ILRUN: variants seen among roughly 807,000 people sequenced by gnomAD.
The protein encoded by ILRUN is inflammation and lipid regulator with UBA-like and NBR1-like domains.
A neutral mutation model predicts 33.8 loss-of-function variants in ILRUN; 3 were observed. The ratio of observed to expected loss-of-function variants is 0.09; its 90% CI spans 0.04 to 0.23. The LOEUF is 0.23. Ranked by LOEUF, ILRUN falls within the 10% of genes least tolerant of loss-of-function variation. The pLI, the probability that ILRUN is intolerant of heterozygous loss-of-function variation, is 1.00. For missense variants in ILRUN, 210 were observed against 375.1 expected, an observed-to-expected ratio of 0.56 and a Z score of 3.64; for synonymous variants, 124 against 138.9, an observed-to-expected ratio of 0.89 and a Z score of 0.75.
intron 3 of ILRUN, among the ~76,000 whole-genome samples, chr6:34,610,792 G>A (rs896690372): frequency 1.3e-5 from 2 of 152,188 alleles, no homozygotes; most frequent in Admixed American, 6.5e-5. Context: ...CAGCTACTAA[G>A]CTACAGGTCA....
At chr6:34,653,760 C>T (rs1361264654) in intron 2 of ILRUN, among the ~76,000 whole-genome samples, 1 of 151,826 alleles carries the variant, frequency 6.6e-6, no homozygotes. Flanking sequence ...ATAGCTTGAG[C>T]CCAAGAGTTC....
chr6:34,648,361 G>C (rs1762599392), intron 2 of ILRUN, among the ~76,000 whole-genome samples: 1 of 152,112 alleles, frequency 6.6e-6, no homozygotes, highest in Admixed American at 6.5e-5. Flanking sequence ...CTCACTACTG[G>C]AAAGAAACCA....
intron 1 of ILRUN, among the ~76,000 whole-genome samples, chr6:34,676,385 C>G (rs1336606412): frequency 7.0e-6 from 1 of 143,256 alleles, no homozygotes. Context: ...GGCAACAGAG[C>G]AAGACCCTTT....
At chr6:34,595,705 C>T (rs1761386542) in intron 4 of ILRUN, 1 of 957,156 alleles carries the variant, frequency 1.0e-6, no homozygotes, top group South Asian at 4.8e-5. Flanking sequence ...CAACACAGGA[C>T]TTTCACATAC....
intron 4 of ILRUN, among the ~76,000 whole-genome samples, chr6:34,603,582 T>G (rs752591750): frequency 2.0e-5 from 3 of 152,040 alleles, no homozygotes; most frequent in South Asian, 4.2e-4. Context: ...TGCAGTGAGC[T>G]GTGATTGTGC....
chr6:34,696,682 G>A lies in ILRUN; in HGVS notation c.-79C>T, dbSNP rs936362297. On this transcript the variant is annotated 5_prime_UTR_variant, in exon 1 of 5. Coordinates refer to ENST00000374023, the MANE Select transcript of ILRUN (RefSeq NM_024294.4). ...GCCGCCGGGCCCGGGGACCTGGAGG[G>A]GGGCCGCTGCTAGCTAGCTTCGCGA... 78 of 1,505,092 alleles carry A rather than the reference G, an allele frequency of 5.2e-5. No individual in the cohort carries two copies. Among genetic ancestry groups the A allele is most frequent in the Admixed American group, 3.9e-5 (2 of 51,620 alleles). 93.2% of individuals were successfully genotyped at this position (1,505,092 alleles called of 1,614,324 possible).
intron 1 of ILRUN, among the ~76,000 whole-genome samples, chr6:34,674,217 G>T (rs573424059): frequency 6.6e-6 from 1 of 152,258 alleles, no homozygotes; most frequent in Admixed American, 6.5e-5. Flanking sequence ...AGTAAAGACG[G>T]GGTTTCACCA....
At chr6:34,690,286 C>A (rs1384386576) in intron 1 of ILRUN, among the ~76,000 whole-genome samples, 1 of 151,964 alleles carries the variant, frequency 6.6e-6, no homozygotes, top group Admixed American at 6.6e-5. Flanking sequence ...CATGGCAAAA[C>A]CTTGATTCTA....
chr6:34,694,152 C>T (rs1254457969), intron 1 of ILRUN, among the ~76,000 whole-genome samples: 1 of 152,226 alleles, frequency 6.6e-6, no homozygotes, highest in Admixed American at 6.6e-5. Flanking sequence ...TGGGCCTCAC[C>T]TATTCACTTT....
At chr6:34,695,960 C>T (rs1763761034) in intron 1 of ILRUN, among the ~76,000 whole-genome samples, 1 of 151,934 alleles carries the variant, frequency 6.6e-6, no homozygotes, top group Non-Finnish European at 1.5e-5. Flanking sequence ...CTCTCCAGTG[C>T]TCAGGTTGTT....
intron 4 of ILRUN, among the ~76,000 whole-genome samples, chr6:34,594,323 GCT>G (rs1276431599): frequency 6.6e-6 from 1 of 152,156 alleles, no homozygotes; most frequent in Non-Finnish European, 1.5e-5. Flanking sequence ...AACCCAGTGA[GCT>G]TGATGCAGAA....
intron 3 of ILRUN, among the ~76,000 whole-genome samples, chr6:34,645,117 G>A (rs951829792): frequency 1.3e-5 from 2 of 152,140 alleles, no homozygotes; most frequent in African/African-American, 4.8e-5. Flanking sequence ...AAACATATAT[G>A]AGATCACTAA....
At chr6:34,660,676 C>T (rs932026912) in intron 1 of ILRUN, among the ~76,000 whole-genome samples, 2 of 151,796 alleles carry the variant, frequency 1.3e-5, no homozygotes, top group Admixed American at 6.6e-5. Context: ...GTAATTTGGC[C>T]GGAAAAAGGC....
chr6:34,640,971 C>G (rs575689865), intron 3 of ILRUN, among the ~76,000 whole-genome samples: 56 of 144,246 alleles, frequency 3.9e-4, no homozygotes, highest in Admixed American at 1.7e-3. Flanking sequence ...CCCAGCTACT[C>G]GGGAGCCTGA....
chr6:34,683,997 C>A (rs1044063208), intron 1 of ILRUN, among the ~76,000 whole-genome samples: 1 of 151,732 alleles, frequency 6.6e-6, no homozygotes, highest in Non-Finnish European at 1.5e-5. Flanking sequence ...CCCAGGGAGG[C>A]ATATGGGGGA....
At chr6:34,639,220 C>T (rs1467760204) in intron 3 of ILRUN, among the ~76,000 whole-genome samples, 1 of 152,140 alleles carries the variant, frequency 6.6e-6, no homozygotes, top group Admixed American at 6.5e-5. Context: ...TCTGAGAAAC[C>T]AAATGAATAA....
chr6:34,640,713 A>AAATGAATG lies in ILRUN; in HGVS notation c.511+5880_511+5887dup, dbSNP rs141557087. Reference sequence around the variant, plus strand: ...GACAGAGCGAGACTCCGTCTCAAATAAATGAATGAATGAATGAATGAATGA... The same window carrying AAATGAATG: ...GACAGAGCGAGACTCCGTCTCAAATAAATGAATGAATGAATGAATGAATGAATGAATGA... On this transcript the variant is annotated intron_variant, in intron 3 of 4. Coordinates refer to ENST00000374023, the MANE Select transcript of ILRUN (RefSeq NM_024294.4). Among the ~76,000 whole-genome samples the AAATGAATG allele has an allele frequency of 2.9e-4, 44 of 151,054 alleles. No individual in the cohort carries two copies. The East Asian group carries it at 7.2e-3, about 25-fold the overall frequency.
chr6:34,620,247 T>G (rs60743325), intron 3 of ILRUN, among the ~76,000 whole-genome samples: 1,572 of 152,142 alleles, frequency 0.01, 30 homozygotes, highest in African/African-American at 0.032. Context: ...AAAATAAAAT[T>G]AGGTCAAGGT....
intron 1 of ILRUN, among the ~76,000 whole-genome samples, chr6:34,690,069 A>C (rs1042592953): frequency 6.6e-6 from 1 of 152,200 alleles, no homozygotes; most frequent in Non-Finnish European, 1.5e-5. Flanking sequence ...TCCTAAGTTA[A>C]TGTATAAAAA....
Sources: gnomAD v4.1 joint callset for allele counts (sites outside exome capture counted in the v4.1 genomes callset) on GRCh38, gnomAD v4.1.1 for gene constraint, MANE v1.5 for transcripts, NCBI Gene and HGNC (gene_info 2026-07-23, HGNC 2026-07-21) for gene names.